ZNF385B: variants seen among roughly 807,000 people sequenced by gnomAD.
The protein encoded by ZNF385B is zinc finger protein 533.
Under a neutral mutation model 39.2 loss-of-function variants are expected in ZNF385B, and 23 were observed. The observed-to-expected ratio is 0.59, with a 90% CI of 0.42 to 0.83. The LOEUF (loss-of-function observed/expected upper bound fraction) is 0.83, where lower values mean the gene tolerates loss of function less well. ZNF385B is among the 40% of genes least tolerant of loss of function. ZNF385B has a pLI of 0.00. For synonymous variants in ZNF385B, 205 were observed against 222.6 expected, an observed-to-expected ratio of 0.92 and a Z score of 0.70; for missense variants, 552 against 598.9, an observed-to-expected ratio of 0.92 and a Z score of 0.82.
intron 5 of ZNF385B, among the ~76,000 whole-genome samples, chr2:179,502,926 TGC>T (rs912070094): frequency 6.6e-6 from 1 of 152,170 alleles, no homozygotes; most frequent in African/African-American, 2.4e-5. Context: ...CAGGCTGCAG[TGC>T]AGTGGTGGGA....
At chr2:179,682,702 G>A (rs1008896888) in intron 3 of ZNF385B, among the ~76,000 whole-genome samples, 1 of 152,102 alleles carries the variant, frequency 6.6e-6, no homozygotes, top group Non-Finnish European at 1.5e-5. Context: ...GAGGATTGGG[G>A]TCTCCAATCC....
intron 3 of ZNF385B, among the ~76,000 whole-genome samples, chr2:179,697,504 C>T (rs976785985): frequency 3.9e-5 from 6 of 152,192 alleles, no homozygotes; most frequent in African/African-American, 1.4e-4. Context: ...CCATGCTGAA[C>T]TGTGAGTCAG....
At chr2:179,747,711 C>T (rs115247291) in intron 3 of ZNF385B, among the ~76,000 whole-genome samples, 101 of 152,174 alleles carry the variant, frequency 6.6e-4, no homozygotes, top group African/African-American at 1.7e-3. Context: ...TAAAACCCTT[C>T]GGGCTTGATG....
chr2:179,640,180 A>G (rs974270520), intron 3 of ZNF385B, among the ~76,000 whole-genome samples: 3 of 152,176 alleles, frequency 2.0e-5, no homozygotes, highest in African/African-American at 7.2e-5. Flanking sequence ...GTAATCCTGG[A>G]TTGGATCCTA....
At chr2:179,631,584 C>T (rs549791066) in intron 3 of ZNF385B, among the ~76,000 whole-genome samples, 1 of 152,200 alleles carries the variant, frequency 6.6e-6, no homozygotes, top group Non-Finnish European at 1.5e-5. Context: ...TTGTAAAGAC[C>T]CATTGATGCT....
chr2:179,680,972 G>A (rs1242656321), intron 3 of ZNF385B, among the ~76,000 whole-genome samples: 1 of 151,946 alleles, frequency 6.6e-6, no homozygotes, highest in African/African-American at 2.4e-5. Flanking sequence ...GAAAGTGGCA[G>A]TGTTAAGTCT....
At chr2:179,746,619 T>A (rs1323678383) in intron 3 of ZNF385B, among the ~76,000 whole-genome samples, 1 of 152,168 alleles carries the variant, frequency 6.6e-6, no homozygotes, top group African/African-American at 2.4e-5. Flanking sequence ...AAGATAGATA[T>A]TTTAACACTA....
rs145890803 is a variant in ZNF385B, at chr2:179,796,484, T to C, written c.-154-25812A>G. On this transcript the variant is annotated intron_variant, in intron 1 of 9. Coordinates refer to ENST00000410066, the MANE Select transcript of ZNF385B (RefSeq NM_152520.6). ...GCCTAAAGACAGCAGTCCATTTGAATACACTATACTAAGGAAAACCACTTT... is the reference window on the plus strand; with the variant it reads ...GCCTAAAGACAGCAGTCCATTTGAACACACTATACTAAGGAAAACCACTTT... Among the ~76,000 whole-genome samples, 8 of 152,232 alleles carry C rather than the reference T, an allele frequency of 5.3e-5. No individual in the cohort carries two copies. The East Asian group carries it at 1.5e-3, about 29-fold the overall frequency.
At chr2:179,468,932 A>G (rs576242648) in intron 6 of ZNF385B, among the ~76,000 whole-genome samples, 1 of 152,346 alleles carries the variant, frequency 6.6e-6, no homozygotes, top group African/African-American at 2.4e-5. Context: ...CAGGCATAAG[A>G]AAGATACCAA....
chr2:179,857,121 AAAGTTT>A (rs1231725508), intron 1 of ZNF385B, among the ~76,000 whole-genome samples: 1 of 152,244 alleles, frequency 6.6e-6, no homozygotes, highest in Admixed American at 6.5e-5. Context: ...CATGCACATT[AAAGTTT>A]AAGAAGCACT....
At chr2:179,603,776 A>T (rs1377001458) in intron 3 of ZNF385B, among the ~76,000 whole-genome samples, 1 of 152,200 alleles carries the variant, frequency 6.6e-6, no homozygotes, top group Non-Finnish European at 1.5e-5. Flanking sequence ...TCAGTACTTT[A>T]TCTTAGGCCA....
chr2:179,491,166 A>AT (rs1290511577), intron 5 of ZNF385B, among the ~76,000 whole-genome samples: 3 of 152,186 alleles, frequency 2.0e-5, no homozygotes, highest in Admixed American at 1.3e-4. Context: ...AATGATTTTT[A>AT]TTTAATGTCA....
intron 4 of ZNF385B, among the ~76,000 whole-genome samples, chr2:179,523,820 A>G (rs1206555567): frequency 6.6e-6 from 1 of 152,062 alleles, no homozygotes; most frequent in Non-Finnish European, 1.5e-5. Flanking sequence ...ATTCTCAGAG[A>G]CTTATTGTGT....
chr2:179,762,087 T>C (rs1377858015), intron 3 of ZNF385B, among the ~76,000 whole-genome samples: 1 of 152,180 alleles, frequency 6.6e-6, no homozygotes, highest in Admixed American at 6.5e-5. Context: ...ATTCCTAGCT[T>C]GCTGAAAATG....
chr2:179,692,238 T>TTTGAC lies in ZNF385B; in HGVS notation c.298+77264_298+77265insGTCAA, dbSNP rs1698413600. ...GGTGGGTCACTGCTCTGCTCCCCAC[T>TTTGAC]TGCTGAGTCATTTTGTGCACATAAT... On this transcript the variant is annotated intron_variant, in intron 3 of 9. Coordinates refer to ENST00000410066, the MANE Select transcript of ZNF385B (RefSeq NM_152520.6). Among the ~76,000 whole-genome samples, 4 of 152,240 alleles carry TTTGAC rather than the reference T, an allele frequency of 2.6e-5. No homozygotes were observed. In the South Asian group the frequency reaches 8.3e-4, roughly 32 times the overall value.
At chr2:179,740,808 C>T (rs1575398449) in intron 3 of ZNF385B, among the ~76,000 whole-genome samples, 1 of 152,022 alleles carries the variant, frequency 6.6e-6, no homozygotes, top group African/African-American at 2.4e-5. Flanking sequence ...TAACGCATAA[C>T]ACAATAACGT....
At chr2:179,450,081 C>T (rs1318195848) in intron 6 of ZNF385B, among the ~76,000 whole-genome samples, 1 of 151,482 alleles carries the variant, frequency 6.6e-6, no homozygotes, top group African/African-American at 2.4e-5. Context: ...CCCTTCCTTA[C>T]ACCTTATACA....
intron 6 of ZNF385B, among the ~76,000 whole-genome samples, chr2:179,472,517 T>A (rs561109911): frequency 1.3e-5 from 2 of 152,324 alleles, no homozygotes; most frequent in East Asian, 3.9e-4. Flanking sequence ...ACGAATAAGA[T>A]AATCTCTACT....
At chr2:179,713,577 T>C (rs576445324) in intron 3 of ZNF385B, among the ~76,000 whole-genome samples, 41 of 152,316 alleles carry the variant, frequency 2.7e-4, no homozygotes, top group African/African-American at 9.9e-4. Flanking sequence ...TATCACATAA[T>C]TGCATGATTA....
Sources: gnomAD v4.1 joint callset for allele counts (sites outside exome capture counted in the v4.1 genomes callset) on GRCh38, gnomAD v4.1.1 for gene constraint, MANE v1.5 for transcripts, NCBI Gene and HGNC (gene_info 2026-07-23, HGNC 2026-07-21) for gene names.